Variants in ARHGAP15 observed in about 807,000 individuals in gnomAD.
ARHGAP15 encodes the protein Rho GTPase activating protein 15.
ARHGAP15 carries 51 observed loss-of-function variants against 63.7 expected under a neutral mutation model. The ratio of observed to expected loss-of-function variants is 0.80; its 90% CI spans 0.64 to 1.01. The LOEUF is 1.01. ARHGAP15 is among the 50% of genes least tolerant of loss of function. The pLI is 0.00. For synonymous variants in ARHGAP15, 191 were observed against 193.8 expected, an observed-to-expected ratio of 0.99 and a Z score of 0.12; for missense variants, 560 against 564.6, an observed-to-expected ratio of 0.99 and a Z score of 0.08.
intron 12 of ARHGAP15, among the ~76,000 whole-genome samples, chr2:143,685,355 A>C (rs1467457991): frequency 6.6e-6 from 1 of 152,212 alleles, no homozygotes; most frequent in African/African-American, 2.4e-5. Flanking sequence ...ATCTGTAAGA[A>C]TTTGGTAGGG....
At chr2:143,130,293 T>C (rs1688870570) in intron 1 of ARHGAP15, among the ~76,000 whole-genome samples, 1 of 152,132 alleles carries the variant, frequency 6.6e-6, no homozygotes, top group South Asian at 2.1e-4. Flanking sequence ...GACTTCTTGC[T>C]TTTACAGAAT....
In ARHGAP15 at chr2:143,330,113, AAAAAAAAAAAAAAAAAAACCAAAAAC is replaced by A. The variant is rs869288847; in HGVS notation, c.474+79520_474+79545del. On this transcript the variant is annotated intron_variant, in intron 6 of 13. Coordinates refer to ENST00000295095, the MANE Select transcript of ARHGAP15 (RefSeq NM_018460.4). ...CTGTCTCAAAAAAAAAAAAAAAAAA[AAAAAAAAAAAAAAAAAAACCAAAAAC>A]AAAAAACTAAACTAATGATTAATAA... Among the ~76,000 whole-genome samples, 21 of 90,444 alleles carry A rather than the reference AAAAAAAAAAAAAAAAAAACCAAAAAC, an allele frequency of 2.3e-4. 2 individuals are homozygous for A. The highest frequency in any genetic ancestry group is 7.5e-4 in the South Asian group (2 of 2,656). The allele number at this position is 90,444 out of a possible 152,430, so 59.3% of individuals were successfully genotyped here. A position where few individuals can be genotyped will look rare whatever the true frequency, so the allele number is the denominator to read the frequency against.
At chr2:143,736,879 A>G (rs550157386) in intron 13 of ARHGAP15, among the ~76,000 whole-genome samples, 75 of 152,360 alleles carry the variant, frequency 4.9e-4, no homozygotes, top group African/African-American at 1.8e-3. Context: ...AAAGGCCTTG[A>G]GAGTTCACCC....
chr2:143,376,978 G>A (rs753489126), intron 6 of ARHGAP15, among the ~76,000 whole-genome samples: 30 of 152,086 alleles, frequency 2.0e-4, no homozygotes, highest in Admixed American at 3.9e-4. Flanking sequence ...TGCTCAGTAA[G>A]TAATAAACAA....
At chr2:143,278,656 C>G (rs921053996) in intron 6 of ARHGAP15, among the ~76,000 whole-genome samples, 1 of 152,024 alleles carries the variant, frequency 6.6e-6, no homozygotes, top group African/African-American at 2.4e-5. Flanking sequence ...TCAAATATTT[C>G]TATTCTGGTA....
At chr2:143,683,778 C>G (rs1018943563) in intron 12 of ARHGAP15, among the ~76,000 whole-genome samples, 7 of 152,020 alleles carry the variant, frequency 4.6e-5, no homozygotes, top group Non-Finnish European at 8.8e-5. Context: ...CATCAAGGAG[C>G]CTTTCATGTT....
At chr2:143,440,974 A>G (rs984012857) in intron 8 of ARHGAP15, among the ~76,000 whole-genome samples, 100 of 152,176 alleles carry the variant, frequency 6.6e-4, no homozygotes, top group Non-Finnish European at 1.8e-4. Context: ...AGGTTTCTTA[A>G]CTTTTCTGAG....
At chr2:143,713,416 T>C (rs994526159) in intron 13 of ARHGAP15, among the ~76,000 whole-genome samples, 3 of 152,106 alleles carry the variant, frequency 2.0e-5, no homozygotes, top group African/African-American at 7.2e-5. Flanking sequence ...TTCTCAGAGA[T>C]ACAATTAAAG....
At chr2:143,292,628 A>G (rs1442307738) in intron 6 of ARHGAP15, among the ~76,000 whole-genome samples, 1 of 152,082 alleles carries the variant, frequency 6.6e-6, no homozygotes, top group East Asian at 1.9e-4. Flanking sequence ...TTTAAAAATT[A>G]TTATAATAGA....
chr2:143,696,118 A>G (rs947400349), intron 12 of ARHGAP15, among the ~76,000 whole-genome samples: 1 of 152,148 alleles, frequency 6.6e-6, no homozygotes. Context: ...TTATTTTGGA[A>G]TGAGTAACAT....
intron 11 of ARHGAP15, among the ~76,000 whole-genome samples, chr2:143,558,831 A>C (rs562332348): frequency 2.8e-4 from 42 of 152,284 alleles, no homozygotes; most frequent in African/African-American, 9.4e-4. Flanking sequence ...TGTTGATTGC[A>C]ATACTTTTGG....
At chr2:143,491,193 G>A (rs35825582) in intron 9 of ARHGAP15, among the ~76,000 whole-genome samples, 68,296 of 151,990 alleles carry the variant, frequency 0.45, 15,449 homozygotes, top group Non-Finnish European at 0.47. Context: ...ACTTGAATCC[G>A]TTTAACATAT....
chr2:143,332,688 G>T (rs1028056225), intron 6 of ARHGAP15, among the ~76,000 whole-genome samples: 7 of 152,066 alleles, frequency 4.6e-5, no homozygotes, highest in Non-Finnish European at 8.8e-5. Flanking sequence ...AGGTTACGCC[G>T]ATTGCTTTTA....
In ARHGAP15 at chr2:143,435,582, CT is replaced by C. The variant is rs11438710; in HGVS notation, c.475-5del. ...TTTCTTTACCTGTCTATTTCTTTTTCTTTTTTTTTTTTTTGCAGATCACAAC... is the reference window on the plus strand; with the variant it reads ...TTTCTTTACCTGTCTATTTCTTTTTCTTTTTTTTTTTTTGCAGATCACAAC... On this transcript the variant is annotated intron_variant, in intron 6 of 13. Coordinates refer to ENST00000295095, the MANE Select transcript of ARHGAP15 (RefSeq NM_018460.4). The C allele has an allele frequency of 0.011, 14,941 of 1,333,322 alleles. No individual in the cohort carries two copies. Among genetic ancestry groups the C allele is most frequent in the South Asian group, 0.033 (1,980 of 59,960 alleles). The allele number at this position is 1,333,322 out of a possible 1,614,324, so 82.6% of individuals were successfully genotyped here.
At position 143,663,222 on chromosome 2, in the gene ARHGAP15, A is replaced by T. The variant is rs1332085467; in HGVS notation, c.1138+38955A>T. 2.6e-4 allele frequency among the ~76,000 whole-genome samples: 37 copies of T among 143,808 alleles called. No homozygotes were observed. The East Asian group carries it at 6.2e-3, about 24-fold the overall frequency. The allele number at this position is 143,808 out of a possible 152,430, so 94.3% of individuals were successfully genotyped here. A position where few individuals can be genotyped will look rare whatever the true frequency, so the allele number is the denominator to read the frequency against. On this transcript the variant is annotated intron_variant, in intron 12 of 13. Transcript: ENST00000295095. ...TCAGACTAACAGCGGATCTCTCGGCAGAAACCCTACAAGCCAGAAGAGAGT... is the reference window on the plus strand; with the variant it reads ...TCAGACTAACAGCGGATCTCTCGGCTGAAACCCTACAAGCCAGAAGAGAGT...
At chr2:143,163,358 G>T (rs879764847) in intron 2 of ARHGAP15, among the ~76,000 whole-genome samples, 2 of 151,406 alleles carry the variant, frequency 1.3e-5, no homozygotes, top group Non-Finnish European at 2.9e-5. Context: ...TATGTGTACA[G>T]GTAGTATATG....
At chr2:143,132,719 C>T (rs1011030658) in intron 1 of ARHGAP15, among the ~76,000 whole-genome samples, 2 of 152,152 alleles carry the variant, frequency 1.3e-5, no homozygotes, top group African/African-American at 2.4e-5. Context: ...AATGCTTTCC[C>T]CAGAAGAAAG....
At chr2:143,211,357 G>T (rs953713425) in intron 3 of ARHGAP15, among the ~76,000 whole-genome samples, 2 of 121,300 alleles carry the variant, frequency 1.6e-5, no homozygotes, top group South Asian at 3.2e-4. Flanking sequence ...GCGTGGGTGG[G>T]GGGCGGGAAT....
rs1277091475 is a variant in ARHGAP15, at chr2:143,593,096, A to T, written c.1004-31037A>T. 2.6e-5 allele frequency among the ~76,000 whole-genome samples: 4 copies of T among 152,240 alleles called. No homozygotes were observed. In the East Asian group the frequency reaches 7.7e-4, roughly 29 times the overall value. ...GGATTCATAAAGGACATTGGCCTGTATGTGGAAAAACCAACTAAATAATTT... is the reference window on the plus strand; with the variant it reads ...GGATTCATAAAGGACATTGGCCTGTTTGTGGAAAAACCAACTAAATAATTT... On this transcript the variant is annotated intron_variant, in intron 11 of 13. Coordinates refer to ENST00000295095, the MANE Select transcript of ARHGAP15 (RefSeq NM_018460.4).
Sources: gnomAD v4.1 joint callset for allele counts (sites outside exome capture counted in the v4.1 genomes callset) on GRCh38, gnomAD v4.1.1 for gene constraint, MANE v1.5 for transcripts, NCBI Gene and HGNC (gene_info 2026-07-23, HGNC 2026-07-21) for gene names.